The following NFX1 variants were observed in gnomAD, a reference collection of about 807,000 sequenced individuals.
The protein encoded by NFX1 is transcriptional repressor NF-X1.
A neutral mutation model predicts 137.2 loss-of-function variants in NFX1; 69 were observed. The ratio of observed to expected loss-of-function variants is 0.50; its 90% CI spans 0.41 to 0.61. The LOEUF is 0.61. NFX1 is among the 20% of genes least tolerant of loss of function. NFX1 has a pLI of 0.00. For missense variants in NFX1, 1,167 were observed against 1,391.0 expected (o/e 0.84, Z 2.56); for synonymous variants, 495 against 474.1 (o/e 1.04, Z -0.57).
intron 19 of NFX1, among the ~76,000 whole-genome samples, chr9:33,362,146 A>G (rs560462267): frequency 3.7e-4 from 56 of 152,182 alleles, no homozygotes; most frequent in African/African-American, 1.2e-3. Context: ...AACAATTAGA[A>G]AAAAGGGAAC....
chr9:33,312,299 C>T (rs1221690323), intron 6 of NFX1, among the ~76,000 whole-genome samples: 2 of 152,182 alleles, frequency 1.3e-5, no homozygotes, highest in Non-Finnish European at 2.9e-5. Context: ...CTTGGTCTCA[C>T]TGAACCTCAT....
At position 33,295,025 on chromosome 9, in the gene NFX1, G is replaced by A. The variant is rs372624000; in HGVS notation, c.631G>A (p.Val211Met). The A allele has an allele frequency of 1.9e-6, 3 of 1,614,204 alleles. No homozygotes were observed. Among genetic ancestry groups the A allele is most frequent in the Middle Eastern group, 1.6e-4 (1 of 6,062 alleles). ...TGCTGGACCCGAAAGTACCAAACCT[G>A]TGGGGGTTTTCCACCCTGACTCTTC... ...EDAGPESTKP[V>M]GVFHPDSSEA... The change falls in exon 2 of 24, where the codon GTG (valine) becomes ATG (methionine). Residue 211 changes from valine to methionine, a missense_variant. Around this residue, in one of 3 missense-constraint regions of NFX1, gnomAD observed 367 missense variants for 386.7 expected, o/e 0.95. Coordinates refer to ENST00000379540, the MANE Select transcript of NFX1 (RefSeq NM_002504.6).
At chr9:33,312,976 A>G (rs1284974985) in intron 6 of NFX1, among the ~76,000 whole-genome samples, 1 of 152,240 alleles carries the variant, frequency 6.6e-6, no homozygotes, top group Non-Finnish European at 1.5e-5. Context: ...CCCTGAAGCA[A>G]AGTCACATAT....
intron 4 of NFX1, among the ~76,000 whole-genome samples, chr9:33,303,760 T>C (rs750288649): frequency 2.3e-4 from 35 of 152,212 alleles, no homozygotes; most frequent in Non-Finnish European, 4.4e-4. Flanking sequence ...ATATCTCAGT[T>C]CCCCCAAGTA....
At chr9:33,367,946 A>G (rs1032112780) in intron 23 of NFX1, among the ~76,000 whole-genome samples, 6 of 152,036 alleles carry the variant, frequency 3.9e-5, no homozygotes, top group Non-Finnish European at 8.8e-5. Flanking sequence ...AGGAATAGTT[A>G]CTCTGGGCCG....
intron 2 of NFX1, among the ~76,000 whole-genome samples, chr9:33,300,994 G>A (rs150124256): frequency 8.9e-4 from 136 of 152,328 alleles, no homozygotes; most frequent in Non-Finnish European, 1.6e-3. Context: ...GGGGCATTTG[G>A]CTACTCTGCT....
chr9:33,304,237 G>A (rs1821675862), intron 4 of NFX1, among the ~76,000 whole-genome samples: 1 of 152,138 alleles, frequency 6.6e-6, no homozygotes, highest in African/African-American at 2.4e-5. Flanking sequence ...ACTCCAGCCT[G>A]GGCGACAGAG....
In NFX1 at chr9:33,313,806, C is replaced by A; in HGVS notation, c.1588+13C>A. ...ATTTTGAACCAGGGTAAGTGGTGGGCACACCAGCTAGCAATGCTTGTGTTC... is the reference window on the plus strand; with the variant it reads ...ATTTTGAACCAGGGTAAGTGGTGGGAACACCAGCTAGCAATGCTTGTGTTC... On this transcript the variant is annotated intron_variant, in intron 7 of 23. Transcript: ENST00000379540. The A allele has an allele frequency of 6.2e-7, 1 of 1,609,264 alleles. No individual in the cohort carries two copies. The highest frequency in any genetic ancestry group is 8.5e-7 in the Non-Finnish European group (1 of 1,176,434).
At chr9:33,319,829 TACAATAGA>T (rs1224872810) in intron 9 of NFX1, among the ~76,000 whole-genome samples, 1 of 151,772 alleles carries the variant, frequency 6.6e-6, no homozygotes, top group Admixed American at 6.6e-5. Flanking sequence ...AAATTGTAAG[TACAATAGA>T]ACCTCAGCCA....
Position 33,369,943 on chromosome 9 carries a change from G to C in NFX1, c.3328G>C (p.Glu1110Gln), listed in dbSNP as rs1011034289. ...CAGTAATTTACAGAAAATAACCAAGGAGCCAATAATTGACTATTTTGACGT... is the reference window on the plus strand; with the variant it reads ...CAGTAATTTACAGAAAATAACCAAGCAGCCAATAATTGACTATTTTGACGT... The part of the protein sequence containing the change: ...GSSNLQKITK[E>Q]PIIDYFDVQD Residue 1110 changes from glutamate to glutamine, a missense_variant, in exon 24 of 24, where the codon GAG becomes CAG. Coordinates refer to ENST00000379540, the MANE Select transcript of NFX1 (RefSeq NM_002504.6). The C allele has an allele frequency of 7.4e-6, 12 of 1,613,462 alleles. No homozygotes were observed. The African/African-American group carries it at 1.6e-4, about 22-fold the overall frequency.
chr9:33,322,601 G>T (rs72707406), intron 9 of NFX1, among the ~76,000 whole-genome samples: 1,681 of 152,180 alleles, frequency 0.011, 20 homozygotes, highest in Non-Finnish European at 0.015. Context: ...CAGAATACTG[G>T]AGCCCTAATC....
chr9:33,341,646 T>G (rs1823226784), intron 12 of NFX1, among the ~76,000 whole-genome samples: 2 of 152,196 alleles, frequency 1.3e-5, no homozygotes, highest in Admixed American at 6.5e-5. Context: ...TAAAAAAATT[T>G]GCAGCCAGGC....
chr9:33,309,360 GAAA>G (rs34060097), intron 5 of NFX1, among the ~76,000 whole-genome samples: 1 of 146,056 alleles, frequency 6.8e-6, no homozygotes, highest in Admixed American at 6.8e-5. Context: ...CCGTCTCAGA[GAAA>G]AAAAAAAAAA....
At chr9:33,322,328 C>G (rs1045283964) in intron 9 of NFX1, among the ~76,000 whole-genome samples, 2 of 152,120 alleles carry the variant, frequency 1.3e-5, no homozygotes, top group African/African-American at 4.8e-5. Flanking sequence ...TGAGCCCTAG[C>G]TAGTTCCTTC....
intron 5 of NFX1, among the ~76,000 whole-genome samples, chr9:33,310,885 C>T (rs1466611287): frequency 5.3e-5 from 8 of 152,186 alleles, no homozygotes; most frequent in Admixed American, 1.3e-4. Flanking sequence ...GGATTTACTT[C>T]TGTGGTTAAA....
intron 2 of NFX1, among the ~76,000 whole-genome samples, chr9:33,296,540 C>T (rs1821361888): frequency 6.6e-6 from 1 of 152,030 alleles, no homozygotes; most frequent in Non-Finnish European, 1.5e-5. Flanking sequence ...CCAGCCTGGG[C>T]AACATAAGGA....
rs1395628769 is a variant in NFX1 at position 33,290,538 on chromosome 9, G to A, written c.-35G>A. Reference sequence around the variant, plus strand: ...CGTGACCTGGTGACAGTGCTGACTTGGCTGTACAGCTCGATCTAGGTTCTG... The same window carrying A: ...CGTGACCTGGTGACAGTGCTGACTTAGCTGTACAGCTCGATCTAGGTTCTG... On this transcript the variant is annotated 5_prime_UTR_variant, in exon 1 of 24. Coordinates refer to ENST00000379540, the MANE Select transcript of NFX1 (RefSeq NM_002504.6). 6.2e-6 allele frequency: 10 copies of A among 1,613,552 alleles called. No homozygotes were observed. The highest frequency in any genetic ancestry group is 8.5e-6 in the Non-Finnish European group (10 of 1,179,646).
chr9:33,342,680 G>A (rs1401522975), intron 12 of NFX1, 66 bp from the exon 13 acceptor site: 3 of 1,067,702 alleles, frequency 2.8e-6, no homozygotes, highest in African/African-American at 1.6e-5. Flanking sequence ...TATTAATCTT[G>A]TTGTTATTTA....
chr9:33,338,673 C>T (rs1336795519), intron 12 of NFX1, 84 bp downstream of exon 12: 32 of 1,254,920 alleles, frequency 2.5e-5, no homozygotes, highest in Non-Finnish European at 3.3e-5. Flanking sequence ...GAGAATGCAG[C>T]CCGGATTTAA....
Sources: gnomAD v4.1 joint callset for allele counts (sites outside exome capture counted in the v4.1 genomes callset) on GRCh38, gnomAD v4.1.1 for gene constraint, gnomAD v4.1.1 regional missense constraint, MANE v1.5 for transcripts, NCBI Gene and HGNC (gene_info 2026-07-23, HGNC 2026-07-21) for gene names.